NTM: variants seen among roughly 807,000 people sequenced by gnomAD.
The protein encoded by NTM is neurotrimin.
Under a neutral mutation model 42.1 loss-of-function variants are expected in NTM, and 13 were observed. That is an observed-to-expected ratio of 0.31 (90% CI 0.20 to 0.49). The LOEUF (loss-of-function observed/expected upper bound fraction) is 0.49. NTM is among the 20% of genes least tolerant of loss of function. The pLI is 0.99. For missense variants in NTM, 373 were observed against 452.8 expected (o/e 0.82, Z 1.60); for synonymous variants, 187 against 179.2 (o/e 1.04, Z -0.35).
intron 1 of NTM, among the ~76,000 whole-genome samples, chr11:131,555,627 G>A (rs923092799): frequency 7.9e-5 from 12 of 152,102 alleles, no homozygotes; most frequent in South Asian, 2.1e-4. Flanking sequence ...CTCCTTCTTC[G>A]ATTTCATCAG....
At chr11:132,275,748 GTGTATA>G (rs2093698104) in intron 4 of NTM, among the ~76,000 whole-genome samples, 1 of 58,972 alleles carries the variant, frequency 1.7e-5, no homozygotes, top group African/African-American at 8.7e-5. Flanking sequence ...ATATATATAT[GTGTATA>G]TATATATATA....
intron 1 of NTM, among the ~76,000 whole-genome samples, chr11:131,524,960 T>C (rs2050252169): frequency 6.6e-6 from 1 of 152,182 alleles, no homozygotes. Context: ...AGAGCACACA[T>C]GCACCTGCAC....
intron 2 of NTM, among the ~76,000 whole-genome samples, chr11:132,073,226 G>A (rs1298322467): frequency 2.0e-5 from 3 of 152,114 alleles, no homozygotes; most frequent in Admixed American, 1.3e-4. Context: ...TTGTGAAGGG[G>A]ATCCAGTGAA....
rs546957146 is a variant in NTM at position 131,903,771 on chromosome 11, G to C, written c.83-7793G>C. On this transcript the variant is annotated intron_variant, in intron 1 of 8. Transcript: ENST00000683400. ...AGAGGAAGAGAGCAGAGCTATTCCA[G>C]TGAGCTGGTAAGGGGCAGACTTAGG... 1.8e-3 allele frequency among the ~76,000 whole-genome samples: 268 copies of C among 152,318 alleles called. 4 individuals are homozygous for C. Among genetic ancestry groups the C allele is most frequent in the African/African-American group, 6.2e-3 (258 of 41,574 alleles).
intron 4 of NTM, among the ~76,000 whole-genome samples, chr11:132,296,198 C>T (rs1441999112): frequency 6.6e-6 from 1 of 152,108 alleles, no homozygotes; most frequent in African/African-American, 2.4e-5. Context: ...ATTTCACAGG[C>T]AGTTATGGGC....
chr11:131,447,615 T>C (rs1022676990), intron 1 of NTM, among the ~76,000 whole-genome samples: 3 of 152,174 alleles, frequency 2.0e-5, no homozygotes, highest in Non-Finnish European at 2.9e-5. Flanking sequence ...TTTGTATTTG[T>C]ATTTGTTTCC....
At chr11:131,966,849 A>G (rs573916771) in intron 2 of NTM, among the ~76,000 whole-genome samples, 70 of 152,300 alleles carry the variant, frequency 4.6e-4, no homozygotes, top group African/African-American at 1.6e-3. Flanking sequence ...CATGGTGGCA[A>G]GTGGTCAGAT....
chr11:131,695,649 AG>A (rs1266916604), intron 1 of NTM, among the ~76,000 whole-genome samples: 1 of 152,166 alleles, frequency 6.6e-6, no homozygotes, highest in Non-Finnish European at 1.5e-5. Context: ...GAGCATGTTT[AG>A]GAGCAACTTC....
chr11:131,707,671 T>G (rs1329605284), intron 1 of NTM, among the ~76,000 whole-genome samples: 1 of 152,156 alleles, frequency 6.6e-6, no homozygotes, highest in Non-Finnish European at 1.5e-5. Flanking sequence ...TCTTTTATTT[T>G]TTAATAAGTC....
chr11:132,280,358 C>T lies in NTM; in HGVS notation c.527-27331C>T, dbSNP rs572736850. Reference sequence around the variant, plus strand: ...TACAGGACACTCCAGCAGAAACATGCAGTTTGCTCGCCTAGGGTGCACCAG... The same window carrying T: ...TACAGGACACTCCAGCAGAAACATGTAGTTTGCTCGCCTAGGGTGCACCAG... On this transcript the variant is annotated intron_variant, in intron 4 of 8. Coordinates refer to ENST00000683400, the MANE Select transcript of NTM (RefSeq NM_001352005.2). 2.0e-4 allele frequency among the ~76,000 whole-genome samples: 30 copies of T among 152,128 alleles called. No individual in the cohort carries two copies. The South Asian group carries it at 6.2e-3, about 32-fold the overall frequency.
intron 1 of NTM, among the ~76,000 whole-genome samples, chr11:131,508,998 C>A (rs894410720): frequency 6.6e-6 from 1 of 151,590 alleles, no homozygotes; most frequent in Non-Finnish European, 1.5e-5. Flanking sequence ...AACTAACCTG[C>A]ACAATGTGCA....
chr11:131,453,643 A>G (rs922002445), intron 1 of NTM, among the ~76,000 whole-genome samples: 1 of 152,222 alleles, frequency 6.6e-6, no homozygotes, highest in Non-Finnish European at 1.5e-5. Flanking sequence ...TTCCTGGTGT[A>G]TTGGTATATT....
At chr11:131,711,110 A>C (rs2077076782) in intron 1 of NTM, among the ~76,000 whole-genome samples, 1 of 152,246 alleles carries the variant, frequency 6.6e-6, no homozygotes, top group Non-Finnish European at 1.5e-5. Flanking sequence ...CAATGGCAAT[A>C]AAAGACAAAA....
chr11:132,092,604 C>T (rs148105782), intron 2 of NTM, among the ~76,000 whole-genome samples: 1 of 152,154 alleles, frequency 6.6e-6, no homozygotes, highest in African/African-American at 2.4e-5. Flanking sequence ...CCATCATGCT[C>T]CAAGGTTCCA....
chr11:132,020,557 A>G (rs1339849396), intron 2 of NTM, among the ~76,000 whole-genome samples: 1 of 152,062 alleles, frequency 6.6e-6, no homozygotes, highest in East Asian at 1.9e-4. Context: ...TTAGCTTATC[A>G]CAATCTACTT....
At chr11:132,173,803 G>C (rs4936158) in intron 3 of NTM, among the ~76,000 whole-genome samples, 95,734 of 152,084 alleles carry the variant, frequency 0.63, 30,584 homozygotes, top group African/African-American at 0.65. Context: ...AGATACTGTT[G>C]CTTCCACTCT....
At chr11:131,688,230 G>C (rs982642446) in intron 1 of NTM, among the ~76,000 whole-genome samples, 2 of 152,158 alleles carry the variant, frequency 1.3e-5, no homozygotes, top group Non-Finnish European at 2.9e-5. Flanking sequence ...ACAGGCTCCC[G>C]GGGCGGGGGA....
At chr11:131,996,302 T>C (rs1437046078) in intron 2 of NTM, among the ~76,000 whole-genome samples, 1 of 152,112 alleles carries the variant, frequency 6.6e-6, no homozygotes, top group Non-Finnish European at 1.5e-5. Context: ...CCCCCTCCCC[T>C]GCACCTGCCA....
At chr11:132,062,911 C>A (rs887461420) in intron 2 of NTM, among the ~76,000 whole-genome samples, 1 of 152,070 alleles carries the variant, frequency 6.6e-6, no homozygotes, top group Non-Finnish European at 1.5e-5. Context: ...GGATACCAGG[C>A]AGGATGGGTG....
Sources: allele counts gnomAD v4.1 joint callset (sites outside exome capture counted in the v4.1 genomes callset), GRCh38; gene constraint gnomAD v4.1.1; transcripts MANE v1.5; gene names NCBI Gene and HGNC (gene_info 2026-07-23, HGNC 2026-07-21).